Variants in FAM135A observed in about 807,000 individuals in gnomAD.
FAM135A encodes the protein protein FAM135A.
FAM135A carries 79 observed loss-of-function variants against 146.8 expected under a neutral mutation model. The observed-to-expected ratio is 0.54, with a 90% CI of 0.45 to 0.65. The LOEUF (loss-of-function observed/expected upper bound fraction) is 0.65. FAM135A is among the 30% of genes least tolerant of loss of function. The pLI, the probability that FAM135A is intolerant of heterozygous loss-of-function variation, is 0.00. For missense variants in FAM135A, 1,623 were observed against 1,758.2 expected (o/e 0.92, Z 1.38); for synonymous variants, 562 against 603.6 (o/e 0.93, Z 1.01).
chr6:70,534,311 A>C (rs1371989440), intron 18 of FAM135A, among the ~76,000 whole-genome samples: 1 of 106,812 alleles, frequency 9.4e-6, no homozygotes, highest in Non-Finnish European at 1.9e-5. Context: ...AAGTTTGTAT[A>C]CTTTTTTTTT....
intron 2 of FAM135A, among the ~76,000 whole-genome samples, chr6:70,420,009 G>C (rs1768457889): frequency 6.6e-6 from 1 of 152,084 alleles, no homozygotes; most frequent in African/African-American, 2.4e-5. Flanking sequence ...TGCCTTATGT[G>C]GTATCTTTTG....
At chr6:70,428,250 T>G in intron 3 of FAM135A, 54 bp from the exon 4 acceptor site, 1 of 789,806 alleles carries the variant, frequency 1.3e-6, no homozygotes, top group South Asian at 2.0e-5. Context: ...AGCATTTTTA[T>G]AAGTTGGCAT....
At chr6:70,475,941 G>C (rs1582401528) in intron 7 of FAM135A, among the ~76,000 whole-genome samples, 1 of 152,186 alleles carries the variant, frequency 6.6e-6, no homozygotes, top group African/African-American at 2.4e-5. Context: ...AACCAGACAA[G>C]TTAAAGAAAT....
chr6:70,550,618 C>G (rs1157204245), intron 20 of FAM135A, among the ~76,000 whole-genome samples: 1 of 152,092 alleles, frequency 6.6e-6, no homozygotes, highest in African/African-American at 2.4e-5. Flanking sequence ...CTTTGTTGTT[C>G]CATTAATAGA....
intron 12 of FAM135A, among the ~76,000 whole-genome samples, chr6:70,513,776 G>A (rs1791590214): frequency 6.6e-6 from 1 of 152,002 alleles, no homozygotes; most frequent in East Asian, 1.9e-4. Flanking sequence ...TTGGTCAATA[G>A]CGTTATTTAA....
chr6:70,529,501 C>T (rs1795378660), intron 16 of FAM135A, among the ~76,000 whole-genome samples: 2 of 151,432 alleles, frequency 1.3e-5, no homozygotes, highest in Admixed American at 1.3e-4. Flanking sequence ...CTTTTCTTCC[C>T]TCCCTCCAAA....
At chr6:70,537,181 G>C (rs546971542) in intron 19 of FAM135A, among the ~76,000 whole-genome samples, 1 of 151,992 alleles carries the variant, frequency 6.6e-6, no homozygotes. Flanking sequence ...TGATCCGCCC[G>C]CCTCGGCCTC....
At chr6:70,461,438 C>G (rs1779423249) in intron 5 of FAM135A, among the ~76,000 whole-genome samples, 1 of 152,038 alleles carries the variant, frequency 6.6e-6, no homozygotes, top group South Asian at 2.1e-4. Context: ...CATGTTTTGA[C>G]TCATTATGCT....
intron 4 of FAM135A, among the ~76,000 whole-genome samples, chr6:70,442,504 C>T (rs1421747061): frequency 6.6e-6 from 1 of 152,084 alleles, no homozygotes; most frequent in African/African-American, 2.4e-5. Context: ...CCTTCTCTCT[C>T]CTCATCCCAT....
At chr6:70,463,215 A>G (rs991750514) in intron 5 of FAM135A, among the ~76,000 whole-genome samples, 1 of 151,910 alleles carries the variant, frequency 6.6e-6, no homozygotes, top group African/African-American at 2.4e-5. Context: ...TAACTCCCCT[A>G]AGCAGTTAGA....
intron 20 of FAM135A, among the ~76,000 whole-genome samples, chr6:70,543,525 G>A (rs1332203026): frequency 6.6e-6 from 1 of 152,142 alleles, no homozygotes; most frequent in African/African-American, 2.4e-5. Context: ...ATGATACAGA[G>A]CATCAATGGT....
At chr6:70,442,257 T>TG (rs1178702981) in intron 4 of FAM135A, among the ~76,000 whole-genome samples, 1 of 150,886 alleles carries the variant, frequency 6.6e-6, no homozygotes, top group Non-Finnish European at 1.5e-5. Flanking sequence ...TTTTTTTTTT[T>TG]GCCGAGATAT....
At chr6:70,496,276 CA>C (rs1365431575) in intron 11 of FAM135A, among the ~76,000 whole-genome samples, 1 of 152,056 alleles carries the variant, frequency 6.6e-6, no homozygotes, top group Non-Finnish European at 1.5e-5. Flanking sequence ...AGCTTTTTTT[CA>C]TATGTTTGTT....
At chr6:70,506,738 C>CTTTTTTTTTTTTTTTTTTTTTTTTT (rs1336904814) in intron 12 of FAM135A, among the ~76,000 whole-genome samples, 4 of 133,066 alleles carry the variant, frequency 3.0e-5, no homozygotes, top group Non-Finnish European at 4.9e-5. Context: ...TTTGTTTTTT[C>CTTTTTTTTTTTTTTTTTTTTTTTTT]TTTTTTTTTT....
intron 19 of FAM135A, among the ~76,000 whole-genome samples, chr6:70,536,720 C>T (rs1796857307): frequency 6.6e-6 from 1 of 151,892 alleles, no homozygotes; most frequent in African/African-American, 2.4e-5. Context: ...CATCCCATTA[C>T]TTGAACAGAT....
chr6:70,509,608 T>C (rs985996333), intron 12 of FAM135A, among the ~76,000 whole-genome samples: 1 of 152,206 alleles, frequency 6.6e-6, no homozygotes, highest in Admixed American at 6.5e-5. Flanking sequence ...TAAACGTGTA[T>C]AGCAGTTATT....
chr6:70,459,249 C>T (rs1289490990), intron 5 of FAM135A, among the ~76,000 whole-genome samples: 1 of 152,014 alleles, frequency 6.6e-6, no homozygotes, highest in African/African-American at 2.4e-5. Flanking sequence ...AATTCGTATA[C>T]CTTCTGTATA....
At chr6:70,516,672 C>G (rs1026282401) in intron 12 of FAM135A, among the ~76,000 whole-genome samples, 10 of 151,310 alleles carry the variant, frequency 6.6e-5, no homozygotes, top group African/African-American at 2.4e-4. Context: ...GTAGCTGGGA[C>G]TACAGGCACT....
At chr6:70,512,612 G>A (rs968612790) in intron 12 of FAM135A, among the ~76,000 whole-genome samples, 6 of 151,598 alleles carry the variant, frequency 4.0e-5, no homozygotes, top group Admixed American at 6.6e-5. Context: ...TCCTGATATT[G>A]AGGGTTTTTG....
Sources: allele counts gnomAD v4.1 joint callset (sites outside exome capture counted in the v4.1 genomes callset), GRCh38; gene constraint gnomAD v4.1.1; transcripts MANE v1.5; gene names NCBI Gene and HGNC (gene_info 2026-07-23, HGNC 2026-07-21).